The following PPP2R2C variants were observed in gnomAD, a reference collection of about 807,000 sequenced individuals.
PPP2R2C encodes the protein protein phosphatase 2, regulatory subunit B, gamma.
In PPP2R2C, 10 loss-of-function variants were observed where a neutral mutation model predicts 45.3. The observed-to-expected ratio is 0.22, with a 90% CI of 0.14 to 0.37. PPP2R2C has a LOEUF of 0.37. PPP2R2C is among the 10% of genes least tolerant of loss of function. The probability of loss-of-function intolerance (pLI) is 1.00; values close to 1 mark genes in which losing one functional copy is unlikely to be tolerated. For synonymous variants in PPP2R2C, 257 were observed against 245.4 expected (o/e 1.05, Z -0.44); for missense variants, 308 against 619.7 (o/e 0.50, Z 5.34).
At chr4:6,383,106 CA>C in intron 1 of PPP2R2C, 1 of 1,103,174 alleles carries the variant, frequency 9.1e-7, no homozygotes, top group Non-Finnish European at 1.1e-6. Flanking sequence ...CGACAAGCCG[CA>C]AACAGAGATG....
At chr4:6,541,014 GATTACAAA>G (rs1724789375) in intron 1 of PPP2R2C, among the ~76,000 whole-genome samples, 1 of 152,164 alleles carries the variant, frequency 6.6e-6, no homozygotes, top group African/African-American at 2.4e-5. Context: ...GTCACTTCAT[GATTACAAA>G]ATGGCTGCCA....
At chr4:6,542,232 G>A (rs114446436) in intron 1 of PPP2R2C, among the ~76,000 whole-genome samples, 1,603 of 152,312 alleles carry the variant, frequency 0.011, 21 homozygotes, top group African/African-American at 0.035. Context: ...AAGGCATGCC[G>A]CAGACAGAGG....
At chr4:6,346,268 T>A (rs1711912220) in intron 6 of PPP2R2C, among the ~76,000 whole-genome samples, 1 of 152,178 alleles carries the variant, frequency 6.6e-6, no homozygotes, top group Non-Finnish European at 1.5e-5. Flanking sequence ...CTTCTCATTC[T>A]CAGCTCAGCC....
rs544882730 is a variant in PPP2R2C at position 6,337,659 on chromosome 4, C to T, written c.791-3928G>A. 3.9e-5 allele frequency among the ~76,000 whole-genome samples: 6 copies of T among 152,270 alleles called. 1 individual carries two copies. In the South Asian group the frequency reaches 8.3e-4, roughly 21 times the overall value. On this transcript the variant is annotated intron_variant, in intron 6 of 8. Transcript: ENST00000382599. ...GATTCAGCCAGAATCACAGGGGGCA[C>T]CGGTGCTGGGTGTCACAGGGCAGAA...
chr4:6,532,426 G>T (rs1028144564), intron 2 of PPP2R2C, among the ~76,000 whole-genome samples: 1 of 152,154 alleles, frequency 6.6e-6, no homozygotes, highest in African/African-American at 2.4e-5. Flanking sequence ...CCAGACTGGG[G>T]CACCCCCAAT....
chr4:6,372,982 T>C (rs1204016538), intron 4 of PPP2R2C, among the ~76,000 whole-genome samples: 1 of 152,182 alleles, frequency 6.6e-6, no homozygotes. Flanking sequence ...AAAAAGATAC[T>C]GTGGCAGAGC....
chr4:6,362,870 C>T (rs73078722), intron 5 of PPP2R2C, among the ~76,000 whole-genome samples: 3,204 of 99,814 alleles, frequency 0.032, 116 homozygotes, highest in African/African-American at 0.11. Flanking sequence ...CCTGGCACCC[C>T]CTTTCCCCTG....
At position 6,510,538 on chromosome 4, in the gene PPP2R2C, C is replaced by T. The variant is rs189114271; in HGVS notation, c.49+24733G>A. Among the ~76,000 whole-genome samples the T allele has an allele frequency of 1.2e-3, 189 of 152,262 alleles. 1 individual carries two copies. The highest frequency in any genetic ancestry group is 2.1e-3 in the East Asian group (11 of 5,180). On this transcript the variant is annotated intron_variant, in intron 2 of 9. Coordinates refer to the PPP2R2C transcript ENST00000506140. ...TTCTTCACTATCTGTGTCCCTGCCC[C>T]GCCCCACATGCATGTGCATGCACAC...
At position 6,338,799 on chromosome 4, in the gene PPP2R2C, C is replaced by T. The variant is rs1021317437; in HGVS notation, c.791-5068G>A. Among the ~76,000 whole-genome samples, 4 of 152,288 alleles carry T rather than the reference C, an allele frequency of 2.6e-5. No homozygotes were observed. The East Asian group carries it at 7.8e-4, about 30-fold the overall frequency. ...TCAATGTTGAGCCCTAGGCATCTCCCCCTGCCTCCCGTAGCCCCTGCCCCG... is the reference window on the plus strand; with the variant it reads ...TCAATGTTGAGCCCTAGGCATCTCCTCCTGCCTCCCGTAGCCCCTGCCCCG... On this transcript the variant is annotated intron_variant, in intron 6 of 8. Coordinates refer to ENST00000382599, the MANE Select transcript of PPP2R2C (RefSeq NM_020416.4).
At chr4:6,559,399 A>AG (rs1304859281) in intron 1 of PPP2R2C, among the ~76,000 whole-genome samples, 4 of 59,524 alleles carry the variant, frequency 6.7e-5, no homozygotes, top group Non-Finnish European at 9.3e-5. Flanking sequence ...TACACAGCAC[A>AG]CACACACACA....
intron 1 of PPP2R2C, among the ~76,000 whole-genome samples, chr4:6,409,914 A>T (rs1341556783): frequency 6.6e-6 from 1 of 152,202 alleles, no homozygotes; most frequent in African/African-American, 2.4e-5. Flanking sequence ...CTGGTGGATG[A>T]AAGTTCCATT....
intron 1 of PPP2R2C, among the ~76,000 whole-genome samples, chr4:6,461,168 C>T (rs1182016608): frequency 2.0e-5 from 3 of 152,214 alleles, no homozygotes; most frequent in African/African-American, 7.2e-5. Flanking sequence ...CTCCTAGCCA[C>T]CGCATGACTC....
chr4:6,384,828 A>G, intron 1 of PPP2R2C: 2 of 985,476 alleles, frequency 2.0e-6, no homozygotes, highest in African/African-American at 1.7e-5. Context: ...GGCTCCCTCC[A>G]TGAGAGACTA....
At chr4:6,373,119 T>C (rs1301559650) in intron 4 of PPP2R2C, among the ~76,000 whole-genome samples, 1 of 152,162 alleles carries the variant, frequency 6.6e-6, no homozygotes, top group Non-Finnish European at 1.5e-5. Context: ...ACATGACTAG[T>C]TCTGACCAAT....
intron 1 of PPP2R2C, among the ~76,000 whole-genome samples, chr4:6,554,412 G>A (rs924785024): frequency 7.9e-5 from 12 of 152,180 alleles, no homozygotes; most frequent in African/African-American, 2.4e-4. Context: ...CCCAGCTATC[G>A]TCTTCGTCCC....
chr4:6,423,763 G>A (rs562810993), intron 1 of PPP2R2C, among the ~76,000 whole-genome samples: 1 of 152,320 alleles, frequency 6.6e-6, no homozygotes, highest in Non-Finnish European at 1.5e-5. Flanking sequence ...AGCTTGGTGT[G>A]TTTGAGGAAC....
chr4:6,563,434 G>C lies in PPP2R2C; in HGVS notation c.-59+126C>G, dbSNP rs1007224662. On this transcript the variant is annotated intron_variant, in intron 1 of 9. Coordinates refer to the PPP2R2C transcript ENST00000506140. This position sits in a 1 kb window ranked among gnomAD's most constrained non-coding sequence, Gnocchi z 5.8. Reference sequence around the variant, plus strand: ...AAGACGCGCCCTCTCCTCCAGTCGCGGGAGTCCCGCACCCGAGGGCCGCGT... The same window carrying C: ...AAGACGCGCCCTCTCCTCCAGTCGCCGGAGTCCCGCACCCGAGGGCCGCGT... 6.6e-6 allele frequency: 1 copy of C among 152,270 alleles called. No individual in the cohort carries two copies. The highest frequency in any genetic ancestry group is 1.9e-4 in the East Asian group (1 of 5,184). 9.4% of individuals were successfully genotyped at this position (152,270 alleles called of 1,614,324 possible).
At chr4:6,421,583 T>C (rs1484101749) in intron 1 of PPP2R2C, among the ~76,000 whole-genome samples, 1 of 152,088 alleles carries the variant, frequency 6.6e-6, no homozygotes, top group Non-Finnish European at 1.5e-5. Flanking sequence ...CCCACAGACC[T>C]GGCTGGAATG....
intron 1 of PPP2R2C, among the ~76,000 whole-genome samples, chr4:6,425,990 C>T (rs983305722): frequency 2.0e-5 from 3 of 152,090 alleles, no homozygotes; most frequent in Non-Finnish European, 2.9e-5. Context: ...AGGGCAGGGG[C>T]GGGATGAGCC....
Sources: gnomAD v4.1 joint callset for allele counts (sites outside exome capture counted in the v4.1 genomes callset) on GRCh38, gnomAD v4.1.1 for gene constraint, Gnocchi (gnomAD v3.1) non-coding constraint, MANE v1.5 for transcripts, NCBI Gene and HGNC (gene_info 2026-07-23, HGNC 2026-07-21) for gene names.